TMEM108: variants seen among roughly 807,000 people sequenced by gnomAD.
TMEM108 encodes cancer/testis antigen 124.
A neutral mutation model predicts 35.1 loss-of-function variants in TMEM108; 12 were observed. The observed-to-expected ratio is 0.34, with a 90% CI of 0.22 to 0.55. The LOEUF (loss-of-function observed/expected upper bound fraction) is 0.55. Among genes scored for constraint, TMEM108 ranks in the 20% least tolerant of loss-of-function variants. The probability of loss-of-function intolerance (pLI) is 0.89; values close to 1 mark genes in which losing one functional copy is unlikely to be tolerated. For missense variants in TMEM108, 680 were observed against 753.3 expected (o/e 0.90, Z 1.14); for synonymous variants, 287 against 308.6 (o/e 0.93, Z 0.73).
At chr3:133,160,126 AGGCAGAAGGCACCCTCCAGGTAG>A (rs1329536449) in intron 2 of TMEM108, among the ~76,000 whole-genome samples, 2 of 152,190 alleles carry the variant, frequency 1.3e-5, no homozygotes, top group African/African-American at 4.8e-5. Context: ...GGCCCATCTG[AGGCAGAAGGCACCCTCCAGGTAG>A]GCAGGCTTCC....
chr3:133,312,687 G>T (rs2071148815), intron 3 of TMEM108, among the ~76,000 whole-genome samples: 1 of 152,216 alleles, frequency 6.6e-6, no homozygotes, highest in Non-Finnish European at 1.5e-5. Context: ...TGCTTCCCAG[G>T]TGAGGCAATG....
intron 2 of TMEM108, among the ~76,000 whole-genome samples, chr3:133,122,378 A>G (rs1944362791): frequency 6.6e-6 from 1 of 152,092 alleles, no homozygotes; most frequent in African/African-American, 2.4e-5. Context: ...TGCTGTTTTC[A>G]TTTCTGTAGT....
intron 2 of TMEM108, among the ~76,000 whole-genome samples, chr3:133,226,731 A>C (rs1297459290): frequency 6.6e-6 from 1 of 152,198 alleles, no homozygotes; most frequent in African/African-American, 2.4e-5. Context: ...AATATCTAAG[A>C]ATAGGAAAAT....
chr3:133,307,846 C>T (rs2071065682), intron 3 of TMEM108, among the ~76,000 whole-genome samples: 1 of 151,928 alleles, frequency 6.6e-6, no homozygotes, highest in African/African-American at 2.4e-5. Flanking sequence ...TTGGCGGGCC[C>T]TTTTTTGGTT....
chr3:133,257,617 T>C (rs1334791561), intron 3 of TMEM108, among the ~76,000 whole-genome samples: 5 of 152,192 alleles, frequency 3.3e-5, no homozygotes, highest in Admixed American at 2.0e-4. Flanking sequence ...AAGCTTAAGT[T>C]GGCAAATTAG....
chr3:133,234,402 A>G (rs1946201700), intron 3 of TMEM108, among the ~76,000 whole-genome samples: 1 of 152,186 alleles, frequency 6.6e-6, no homozygotes, highest in South Asian at 2.1e-4. Flanking sequence ...CTTATCCACC[A>G]TGATCAAGTG....
intron 2 of TMEM108, among the ~76,000 whole-genome samples, chr3:133,145,624 G>T (rs1469872002): frequency 6.6e-6 from 1 of 152,052 alleles, no homozygotes; most frequent in Non-Finnish European, 1.5e-5. Context: ...ATTTGTTTGT[G>T]TCTGCTCTTA....
intron 2 of TMEM108, among the ~76,000 whole-genome samples, chr3:133,173,100 A>C (rs28552867): frequency 2.6e-5 from 4 of 152,030 alleles, no homozygotes; most frequent in Admixed American, 2.0e-4. Context: ...TACCACACCA[A>C]TGTAAAAAAG....
intron 2 of TMEM108, among the ~76,000 whole-genome samples, chr3:133,159,931 A>G (rs957066323): frequency 6.6e-6 from 1 of 152,204 alleles, no homozygotes; most frequent in Non-Finnish European, 1.5e-5. Flanking sequence ...AAAGGTGCAG[A>G]GAGAATGTAA....
At chr3:133,256,434 A>G (rs1182785211) in intron 3 of TMEM108, among the ~76,000 whole-genome samples, 2 of 152,224 alleles carry the variant, frequency 1.3e-5, no homozygotes, top group Admixed American at 6.5e-5. Context: ...ACCCAAGCAA[A>G]CATTTTCTGT....
At chr3:133,290,782 T>C (rs576747022) in intron 3 of TMEM108, among the ~76,000 whole-genome samples, 16 of 152,260 alleles carry the variant, frequency 1.1e-4, no homozygotes, top group African/African-American at 3.9e-4. Flanking sequence ...TTTTTTCTTC[T>C]CTGTGGATTA....
At chr3:133,319,723 A>T (rs2071242449) in intron 3 of TMEM108, among the ~76,000 whole-genome samples, 1 of 152,112 alleles carries the variant, frequency 6.6e-6, no homozygotes. Flanking sequence ...GACATTCCCT[A>T]GCGCCAACCC....
chr3:133,358,810 C>A (rs914768588), intron 3 of TMEM108, among the ~76,000 whole-genome samples: 1 of 152,096 alleles, frequency 6.6e-6, no homozygotes, highest in Non-Finnish European at 1.5e-5. Context: ...CCTTCCCATC[C>A]CTCTTCTAAA....
At chr3:133,220,453 A>G (rs1559872532) in intron 2 of TMEM108, among the ~76,000 whole-genome samples, 1 of 152,138 alleles carries the variant, frequency 6.6e-6, no homozygotes, top group Non-Finnish European at 1.5e-5. Flanking sequence ...ATGTTTCTTG[A>G]TTTGATAATG....
At chr3:133,041,491 CAGA>C (rs1943276067) in intron 1 of TMEM108, among the ~76,000 whole-genome samples, 1 of 152,118 alleles carries the variant, frequency 6.6e-6, no homozygotes, top group Non-Finnish European at 1.5e-5. Context: ...AGCCTCTAGT[CAGA>C]AGATTTTGAA....
At chr3:133,073,249 G>A (rs1445396040) in intron 2 of TMEM108, among the ~76,000 whole-genome samples, 1 of 151,522 alleles carries the variant, frequency 6.6e-6, no homozygotes, top group Non-Finnish European at 1.5e-5. Context: ...TTGAAATTTT[G>A]TATCCTTTGA....
At chr3:133,313,289 C>G (rs2071157111) in intron 3 of TMEM108, among the ~76,000 whole-genome samples, 1 of 151,966 alleles carries the variant, frequency 6.6e-6, no homozygotes, top group Non-Finnish European at 1.5e-5. Context: ...GCTCCGCCTC[C>G]CGGGTGCACA....
chr3:133,386,428 T>A (rs2073151020), intron 4 of TMEM108: 1 of 1,535,972 alleles, frequency 6.5e-7, no homozygotes, highest in African/African-American at 1.4e-5. Context: ...ACACAGCAGA[T>A]CCTATCACCT....
chr3:133,116,760 T>G (rs60645175), intron 2 of TMEM108, among the ~76,000 whole-genome samples: 32,861 of 152,144 alleles, frequency 0.22, 4,334 homozygotes, highest in Non-Finnish European at 0.3. Flanking sequence ...ATATCTGTAT[T>G]TTGATTTATC....
Sources: allele counts gnomAD v4.1 joint callset (sites outside exome capture counted in the v4.1 genomes callset), GRCh38; gene constraint gnomAD v4.1.1; transcripts MANE v1.5; gene names NCBI Gene and HGNC (gene_info 2026-07-23, HGNC 2026-07-21).